The following ANKIB1 variants were observed in gnomAD, a reference collection of about 807,000 sequenced individuals.
ANKIB1 encodes the protein ankyrin repeat and IBR domain-containing protein 1.
Under a neutral mutation model 122.1 loss-of-function variants are expected in ANKIB1, and 43 were observed. That is an observed-to-expected ratio of 0.35 (90% CI 0.28 to 0.45). The LOEUF is 0.45. Among genes scored for constraint, ANKIB1 ranks in the 20% least tolerant of loss-of-function variants. The probability of loss-of-function intolerance (pLI) is 1.00; values close to 1 mark genes in which losing one functional copy is unlikely to be tolerated. For synonymous variants in ANKIB1, 390 were observed against 442.0 expected (o/e 0.88, Z 1.48); for missense variants, 992 against 1,329.5 (o/e 0.75, Z 3.95).
intron 1 of ANKIB1, among the ~76,000 whole-genome samples, chr7:92,290,088 A>T (rs1802214583): frequency 6.6e-6 from 1 of 152,270 alleles, no homozygotes; most frequent in East Asian, 1.9e-4. Context: ...AAGTTCTGGA[A>T]TTACAGGCGT....
At chr7:92,331,726 T>G (rs991457412) in intron 5 of ANKIB1, among the ~76,000 whole-genome samples, 6 of 152,170 alleles carry the variant, frequency 3.9e-5, no homozygotes, top group African/African-American at 1.4e-4. Flanking sequence ...CTGTACGTAT[T>G]TCATTCATTG....
At chr7:92,257,220 AAAAAG>A (rs1433247605) in intron 1 of ANKIB1, among the ~76,000 whole-genome samples, 2 of 151,956 alleles carry the variant, frequency 1.3e-5, no homozygotes, top group African/African-American at 2.4e-5. Flanking sequence ...AAAAAAGAAA[AAAAAG>A]AAAAGAAAAA....
At chr7:92,318,383 G>A (rs1802835896) in intron 3 of ANKIB1, among the ~76,000 whole-genome samples, 1 of 152,136 alleles carries the variant, frequency 6.6e-6, no homozygotes, top group Non-Finnish European at 1.5e-5. Flanking sequence ...GGGCGTGGTG[G>A]CGGGTGCCTG....
At chr7:92,396,333 C>T in intron 17 of ANKIB1, 32 bp from the exon 18 acceptor site, 1 of 1,197,262 alleles carries the variant, frequency 8.4e-7, no homozygotes, top group Non-Finnish European at 1.2e-6. Flanking sequence ...ATTGCATGCT[C>T]TCTTGTATTT....
rs141698304 is a variant in ANKIB1, at chr7:92,398,691, C to G, written c.3012C>G (p.Ile1004Met). 1.5e-3 allele frequency: 2,364 copies of G among 1,613,786 alleles called. 5 individuals carry two copies. Among genetic ancestry groups the G allele is most frequent in the Admixed American group, 1.9e-3 (116 of 59,998 alleles). ...EISADSQLPC[I>M]KDGSEGVKDV... ...GTGCAGATTCCCAGCTCCCCTGTAT[C>G]AAAGATGGGTCAGAAGGTGTGAAGG... Residue 1004 changes from isoleucine (I) to methionine (M), a missense_variant, in exon 20 of 20, where the codon ATC becomes ATG. Coordinates refer to ENST00000265742, the MANE Select transcript of ANKIB1 (RefSeq NM_019004.2).
intron 11 of ANKIB1, among the ~76,000 whole-genome samples, chr7:92,386,295 C>T (rs1032039125): frequency 1.3e-5 from 2 of 152,116 alleles, no homozygotes; most frequent in African/African-American, 4.8e-5. Context: ...TAATATATCC[C>T]TATAAACAAT....
rs1398920095 is a variant in ANKIB1 at position 92,246,182 on chromosome 7, G to C, written c.-428G>C. 3 of 354,382 alleles carry C rather than the reference G, an allele frequency of 8.5e-6. No individual in the cohort carries two copies. The highest frequency in any genetic ancestry group is 1.6e-5 in the Non-Finnish European group (3 of 188,432). The allele number at this position is 354,382 out of a possible 1,614,324, so 22.0% of individuals were successfully genotyped here. ...TGGAACATGAGCCGGGCTTGACCGC[G>C]AGGCGGAGGCAAGAGCCACCGCCCC... On this transcript the variant is annotated 5_prime_UTR_variant, in exon 1 of 20. Coordinates refer to ENST00000265742, the MANE Select transcript of ANKIB1 (RefSeq NM_019004.2).
chr7:92,337,312 G>A (rs1294548778), intron 5 of ANKIB1, among the ~76,000 whole-genome samples: 1 of 152,140 alleles, frequency 6.6e-6, no homozygotes, highest in Non-Finnish European at 1.5e-5. Flanking sequence ...TTTAAATTAA[G>A]AATTAGGCTA....
intron 1 of ANKIB1, 87 bp from the exon 2 acceptor site, chr7:92,294,802 G>A (rs1191254797): frequency 2.0e-6 from 1 of 508,958 alleles, no homozygotes; most frequent in East Asian, 3.1e-5. Context: ...ATGATTCCCA[G>A]ATTTTTTTTA....
chr7:92,352,446 T>G, intron 8 of ANKIB1, 30 bp from the exon 9 acceptor site: 1 of 1,608,174 alleles, frequency 6.2e-7, no homozygotes, highest in Non-Finnish European at 8.5e-7. Flanking sequence ...AAATATTTTC[T>G]TTTGTGTTTT....
At chr7:92,255,233 A>C (rs1021129815) in intron 1 of ANKIB1, among the ~76,000 whole-genome samples, 7 of 152,062 alleles carry the variant, frequency 4.6e-5, no homozygotes, top group African/African-American at 1.7e-4. Context: ...TGTCTTGAGA[A>C]TCTCTCTCTC....
chr7:92,369,381 A>C (rs547571620), intron 10 of ANKIB1, among the ~76,000 whole-genome samples: 22 of 152,142 alleles, frequency 1.4e-4, no homozygotes, highest in Non-Finnish European at 2.6e-4. Context: ...TTCTGTTGTT[A>C]ATATAAACTT....
Position 92,391,286 on chromosome 7 carries a change from C to T in ANKIB1, c.2173C>T (p.Leu725=), listed in dbSNP as rs750263657. The change falls in exon 16 of 20, where the codon CTG becomes TTG. Residue 725 remains leucine (L), a synonymous_variant. Coordinates refer to ENST00000265742, the MANE Select transcript of ANKIB1 (RefSeq NM_019004.2). ...TGTACAGCAGAAGAGGCAAGAATTC[C>T]TGGCATCTGTGGCTCGGGGAGTAGC... ...CLVQQKRQEF[L]ASVARGVAPA... is the part of the protein sequence containing the mutation. The T allele has an allele frequency of 6.2e-7, 1 of 1,613,388 alleles. No individual in the cohort carries two copies. The highest frequency in any genetic ancestry group is 8.5e-7 in the Non-Finnish European group (1 of 1,179,648).
At chr7:92,358,113 G>A (rs1444539847) in intron 9 of ANKIB1, among the ~76,000 whole-genome samples, 1 of 151,984 alleles carries the variant, frequency 6.6e-6, no homozygotes, top group Non-Finnish European at 1.5e-5. Context: ...ATGGTGTTGT[G>A]CACCTGTAAT....
chr7:92,327,541 T>G (rs1272482301), intron 4 of ANKIB1, among the ~76,000 whole-genome samples: 2 of 152,138 alleles, frequency 1.3e-5, no homozygotes, highest in African/African-American at 4.8e-5. Flanking sequence ...ACAATGCAAA[T>G]AATATGTAAT....
chr7:92,319,270 T>C, intron 3 of ANKIB1, 60 bp from the exon 4 acceptor site: 1 of 1,027,442 alleles, frequency 9.7e-7, no homozygotes, highest in Non-Finnish European at 1.4e-6. Flanking sequence ...GTTTTAAAAA[T>C]AGCATGAAAT....
At chr7:92,361,784 T>C (rs545713988) in intron 9 of ANKIB1, among the ~76,000 whole-genome samples, 12 of 152,070 alleles carry the variant, frequency 7.9e-5, no homozygotes, top group African/African-American at 2.9e-4. Flanking sequence ...TTTTCAACTT[T>C]AAAATTGGAA....
intron 1 of ANKIB1, among the ~76,000 whole-genome samples, chr7:92,258,429 C>G (rs574051076): frequency 2.0e-5 from 3 of 152,158 alleles, no homozygotes; most frequent in South Asian, 2.1e-4. Context: ...CCTCACCCCC[C>G]CAAATTTCTA....
intron 5 of ANKIB1, among the ~76,000 whole-genome samples, chr7:92,340,773 C>G (rs1303049326): frequency 6.6e-6 from 1 of 151,996 alleles, no homozygotes; most frequent in Non-Finnish European, 1.5e-5. Flanking sequence ...TTTAAATTGA[C>G]AAGAAATTGG....
Sources: gnomAD v4.1 joint callset for allele counts (sites outside exome capture counted in the v4.1 genomes callset) on GRCh38, gnomAD v4.1.1 for gene constraint, MANE v1.5 for transcripts, NCBI Gene and HGNC (gene_info 2026-07-23, HGNC 2026-07-21) for gene names.